STK3: variants seen among roughly 807,000 people sequenced by gnomAD.
STK3 encodes serine/threonine-protein kinase 3.
A neutral mutation model predicts 58.0 loss-of-function variants in STK3; 41 were observed. The ratio of observed to expected loss-of-function variants is 0.71; its 90% CI spans 0.55 to 0.92. STK3 has a LOEUF of 0.92. Among genes scored for constraint, STK3 ranks in the 40% least tolerant of loss-of-function variants. The pLI is 0.00. For synonymous variants in STK3, 170 were observed against 191.0 expected (o/e 0.89, Z 0.91); for missense variants, 479 against 602.7 (o/e 0.79, Z 2.15).
At chr8:98,816,599 T>G (rs947253685) in intron 1 of STK3, among the ~76,000 whole-genome samples, 4 of 151,444 alleles carry the variant, frequency 2.6e-5, no homozygotes, top group Non-Finnish European at 4.4e-5. Flanking sequence ...AATGGTGCAA[T>G]CTCAGCTCAC....
chr8:98,848,242 C>CT (rs924846970), intron 3 of STK3, among the ~76,000 whole-genome samples: 5 of 150,174 alleles, frequency 3.3e-5, no homozygotes, highest in East Asian at 3.9e-4. Flanking sequence ...TACTAATCTA[C>CT]TTTTTTTTTC....
At chr8:98,741,384 T>C (rs1829194274) in intron 4 of STK3, among the ~76,000 whole-genome samples, 1 of 152,310 alleles carries the variant, frequency 6.6e-6, no homozygotes, top group African/African-American at 2.4e-5. Flanking sequence ...TCAGAAATTA[T>C]AACAAACTGT....
intron 1 of STK3, among the ~76,000 whole-genome samples, chr8:98,888,148 A>ATCTC (rs1838060793): frequency 6.6e-6 from 1 of 151,956 alleles, no homozygotes; most frequent in Non-Finnish European, 1.5e-5. Context: ...GTGAAACCCT[A>ATCTC]TCTCTACTAA....
intron 6 of STK3, among the ~76,000 whole-genome samples, chr8:98,610,503 A>G (rs1332165738): frequency 6.6e-6 from 1 of 152,054 alleles, no homozygotes; most frequent in African/African-American, 2.4e-5. Context: ...TTCTATTCCC[A>G]CCTCTGACTC....
At chr8:98,591,247 A>G (rs2129898509) in intron 7 of STK3, among the ~76,000 whole-genome samples, 1 of 152,348 alleles carries the variant, frequency 6.6e-6, no homozygotes. Flanking sequence ...AGGGTAATTA[A>G]CCAATATTCT....
Position 98,642,363 on chromosome 8 carries a change from T to G in STK3, c.685-46194A>C, listed in dbSNP as rs543239885. Among the ~76,000 whole-genome samples the G allele has an allele frequency of 9.3e-5, 13 of 139,806 alleles. No individual in the cohort carries two copies. In the East Asian group the frequency reaches 2.8e-3, roughly 31 times the overall value. 91.7% of individuals were successfully genotyped at this position (139,806 alleles called of 152,430 possible). On this transcript the variant is annotated intron_variant, in intron 6 of 10. Coordinates refer to ENST00000419617, the MANE Select transcript of STK3 (RefSeq NM_006281.4). ...ATAATATTAATAATTATCCTTACCA[T>G]CCTTATCTCTTATTCACATGAAGAC...
intron 10 of STK3, among the ~76,000 whole-genome samples, chr8:98,517,169 A>T (rs1414837084): frequency 6.6e-6 from 1 of 152,100 alleles, no homozygotes; most frequent in Non-Finnish European, 1.5e-5. Context: ...ATTAGTTTGA[A>T]TGCCCCTATC....
At chr8:98,379,513 C>CA in intron 1 of STK3, among the ~76,000 whole-genome samples, 1 of 152,174 alleles carries the variant, frequency 6.6e-6, no homozygotes, top group Non-Finnish European at 1.5e-5. Flanking sequence ...ACTGTGCTGA[C>CA]CATCTTGGTT....
At chr8:98,621,971 A>G (rs1034484886) in intron 6 of STK3, among the ~76,000 whole-genome samples, 1 of 151,964 alleles carries the variant, frequency 6.6e-6, no homozygotes, top group African/African-American at 2.4e-5. Flanking sequence ...CATACAAAAA[A>G]AAAAATCAGA....
intron 8 of STK3, among the ~76,000 whole-genome samples, chr8:98,564,198 A>C (rs953496548): frequency 6.6e-6 from 1 of 152,172 alleles, no homozygotes; most frequent in Non-Finnish European, 1.5e-5. Context: ...TCCCAATTGA[A>C]GGACATTCTA....
intron 1 of STK3, among the ~76,000 whole-genome samples, chr8:98,443,344 G>A (rs755242400): frequency 5.9e-5 from 9 of 152,324 alleles, no homozygotes; most frequent in South Asian, 2.1e-4. Flanking sequence ...AGGTTTGGGC[G>A]ATAACAGGTA....
At chr8:98,493,009 T>A (rs556631898) in intron 10 of STK3, among the ~76,000 whole-genome samples, 7 of 151,976 alleles carry the variant, frequency 4.6e-5, no homozygotes, top group Admixed American at 2.0e-4. Flanking sequence ...GGCGGGAGGA[T>A]TGCCTGAGCC....
chr8:98,471,350 TC>T (rs1820901548), intron 10 of STK3, among the ~76,000 whole-genome samples: 1 of 150,280 alleles, frequency 6.7e-6, no homozygotes, highest in South Asian at 2.1e-4. Context: ...CTGGTTTTTT[TC>T]CTTTTCTTTT....
At chr8:98,860,951 TG>T (rs1414615574) in intron 3 of STK3, among the ~76,000 whole-genome samples, 1 of 152,034 alleles carries the variant, frequency 6.6e-6, no homozygotes, top group Non-Finnish European at 1.5e-5. Context: ...TCCTGGCTAC[TG>T]GGGAGGCTGA....
intron 6 of STK3, among the ~76,000 whole-genome samples, chr8:98,634,705 T>A (rs919201653): frequency 9.2e-5 from 14 of 152,222 alleles, no homozygotes; most frequent in South Asian, 2.1e-4. Flanking sequence ...TATAAGCAGA[T>A]TACTAGAAAT....
chr8:98,713,907 C>A (rs983718081), intron 4 of STK3, among the ~76,000 whole-genome samples: 1 of 152,180 alleles, frequency 6.6e-6, no homozygotes, highest in African/African-American at 2.4e-5. Flanking sequence ...CCGAATCCAG[C>A]AGCACATCAA....
chr8:98,471,116 G>C (rs927439745), intron 10 of STK3, among the ~76,000 whole-genome samples: 2 of 152,136 alleles, frequency 1.3e-5, no homozygotes, highest in Non-Finnish European at 2.9e-5. Flanking sequence ...TCGATCACTG[G>C]CTCCTGAAAA....
chr8:98,832,961 C>A (rs1835595385), intron 3 of STK3, among the ~76,000 whole-genome samples: 2 of 152,274 alleles, frequency 1.3e-5, no homozygotes, highest in South Asian at 4.1e-4. Flanking sequence ...CCTACATGTC[C>A]TATTGGCTAG....
At chr8:98,440,292 C>T (rs182141779) in intron 1 of STK3, among the ~76,000 whole-genome samples, 1 of 152,278 alleles carries the variant, frequency 6.6e-6, no homozygotes, top group Non-Finnish European at 1.5e-5. Context: ...CCTGGGCTGG[C>T]AGTCTTAAGG....
Sources: allele counts gnomAD v4.1 joint callset (sites outside exome capture counted in the v4.1 genomes callset), GRCh38; gene constraint gnomAD v4.1.1; transcripts MANE v1.5; gene names NCBI Gene and HGNC (gene_info 2026-07-23, HGNC 2026-07-21).